The following SPMIP11 variants were observed in gnomAD, a reference collection of about 807,000 sequenced individuals.
SPMIP11 encodes the protein long intergenic non-protein coding RNA 935.
At chr12:48,769,161 A>G in the SPMIP11 span, 1 of 1,307,212 alleles carries the variant, frequency 7.6e-7, no homozygotes, top group Non-Finnish European at 1.0e-6. Flanking sequence ...AGAGAAAAAA[A>G]TGGAAAAAGG....
the SPMIP11 span, among the ~76,000 whole-genome samples, chr12:48,744,847 G>A: frequency 6.6e-6 from 1 of 151,754 alleles, no homozygotes; most frequent in Admixed American, 6.6e-5. Context: ...AAAAAAAGAA[G>A]AAAGCAGAAA....
the SPMIP11 span, among the ~76,000 whole-genome samples, chr12:48,745,053 G>A: frequency 1.9e-3 from 292 of 152,100 alleles, no homozygotes; most frequent in Middle Eastern, 0.014. Flanking sequence ...GGTGGATCAC[G>A]AGGTCAGGAG....
the SPMIP11 span, among the ~76,000 whole-genome samples, chr12:48,748,005 A>G: frequency 2.0e-5 from 3 of 152,092 alleles, no homozygotes; most frequent in Admixed American, 6.6e-5. Context: ...TGACAATCCT[A>G]TCATATTCCC....
the SPMIP11 span, among the ~76,000 whole-genome samples, chr12:48,739,357 T>C: frequency 6.6e-6 from 1 of 152,192 alleles, no homozygotes; most frequent in African/African-American, 2.4e-5. Context: ...TATATGTTTA[T>C]CTACTAGCAT....
chr12:48,768,656 C>G, the SPMIP11 span: 217 of 1,614,086 alleles, frequency 1.3e-4, no homozygotes, highest in Non-Finnish European at 1.8e-4. Flanking sequence ...ACCTTGACCA[C>G]CCCTCGACAC....
At chr12:48,744,221 G>A in the SPMIP11 span, among the ~76,000 whole-genome samples, 31 of 146,624 alleles carry the variant, frequency 2.1e-4, no homozygotes, top group African/African-American at 7.3e-4. Flanking sequence ...GCACTCCAGC[G>A]TGGGCAACAA....
At chr12:48,758,123 G>T in the SPMIP11 span, among the ~76,000 whole-genome samples, 1 of 151,958 alleles carries the variant, frequency 6.6e-6, no homozygotes, top group East Asian at 1.9e-4. Flanking sequence ...AGCTACGATT[G>T]CACCACTGTA....
the SPMIP11 span, among the ~76,000 whole-genome samples, chr12:48,770,063 ATTT>A: frequency 1.8e-5 from 2 of 112,882 alleles, no homozygotes; most frequent in Non-Finnish European, 1.8e-5. Context: ...GCCCGGCCTA[ATTT>A]TTTTTTTTTT....
the SPMIP11 span, chr12:48,759,413 GCT>G: frequency 1.5e-6 from 1 of 674,842 alleles, no homozygotes; most frequent in African/African-American, 1.8e-5. Context: ...ATGAGGCCGG[GCT>G]TGGTGGCTCA....
chr12:48,758,023 C>T, the SPMIP11 span, among the ~76,000 whole-genome samples: 2 of 151,948 alleles, frequency 1.3e-5, no homozygotes, highest in East Asian at 1.9e-4. Context: ...ATATGTGGGG[C>T]TGGATGCAGT....
chr12:48,733,268 T>C, the SPMIP11 span, among the ~76,000 whole-genome samples: 4 of 151,722 alleles, frequency 2.6e-5, no homozygotes, highest in Non-Finnish European at 4.4e-5. Context: ...AGAGGTGAGG[T>C]TTCACCATGT....
At chr12:48,766,997 G>A in the SPMIP11 span, 3 of 152,262 alleles carry the variant, frequency 2.0e-5, no homozygotes, top group Admixed American at 1.3e-4. Flanking sequence ...AGCCCTCAAG[G>A]CTTCACAAGG....
chr12:48,742,351 G>A, the SPMIP11 span, among the ~76,000 whole-genome samples: 4 of 138,222 alleles, frequency 2.9e-5, no homozygotes, highest in East Asian at 2.4e-4. Context: ...GCACGATCTC[G>A]GCTCACCGCA....
At chr12:48,763,898 A>G in the SPMIP11 span, among the ~76,000 whole-genome samples, 1 of 151,928 alleles carries the variant, frequency 6.6e-6, no homozygotes, top group African/African-American at 2.4e-5. Flanking sequence ...GGCTGGTCTC[A>G]AACTTCTGAC....
At chr12:48,747,095 T>G in the SPMIP11 span, among the ~76,000 whole-genome samples, 6 of 152,286 alleles carry the variant, frequency 3.9e-5, 1 homozygote, top group African/African-American at 1.4e-4. Flanking sequence ...AGTTTGAAAG[T>G]GCCGTAATGA....
the SPMIP11 span, chr12:48,765,621 C>G: frequency 4.3e-6 from 3 of 703,024 alleles, no homozygotes; most frequent in Non-Finnish European, 5.2e-6. Flanking sequence ...ATGGATCACT[C>G]TATTCTCAAT....
the SPMIP11 span, among the ~76,000 whole-genome samples, chr12:48,729,318 A>G: frequency 0.037 from 5,603 of 151,984 alleles, 157 homozygotes; most frequent in African/African-American, 0.076. Flanking sequence ...GGCAGATCAC[A>G]AGGTCAGGAG....
chr12:48,737,756 A>G, the SPMIP11 span, among the ~76,000 whole-genome samples: 1 of 151,296 alleles, frequency 6.6e-6, no homozygotes, highest in South Asian at 2.1e-4. Context: ...TTTTCAAACT[A>G]CCATTTGTCA....
the SPMIP11 span, among the ~76,000 whole-genome samples, chr12:48,760,247 C>T: frequency 2.6e-5 from 4 of 152,128 alleles, no homozygotes; most frequent in Non-Finnish European, 5.9e-5. Context: ...AATCATAGCT[C>T]ACTGCAGCCT....
Sources: gnomAD v4.1 joint callset for allele counts (sites outside exome capture counted in the v4.1 genomes callset) on GRCh38, gnomAD v4.1.1 for gene constraint, MANE v1.5 for transcripts, NCBI Gene and HGNC (gene_info 2026-07-23, HGNC 2026-07-21) for gene names.